The following SLC27A2 variants were observed in gnomAD, a reference collection of about 807,000 sequenced individuals.
SLC27A2 encodes the protein solute carrier family 27 member 2.
SLC27A2 carries 54 observed loss-of-function variants against 60.0 expected under a neutral mutation model. The observed-to-expected ratio is 0.90, with a 90% CI of 0.72 to 1.13. The LOEUF is 1.13. Ranked by LOEUF, SLC27A2 falls within the 50% of genes most tolerant of loss-of-function variation. The pLI is 0.00. For synonymous variants in SLC27A2, 297 were observed against 297.6 expected, an observed-to-expected ratio of 1.00 and a Z score of 0.02; for missense variants, 739 against 777.6, an observed-to-expected ratio of 0.95 and a Z score of 0.59.
rs750154642 is a variant in SLC27A2, at chr15:50,202,488, T to G, written c.690T>G (p.Gly230=). ...GCCTTCTCTTGTATATTTACAAAGG[T>G]CTTCCAAAAGCAGCCATGATCACTC... ...ALYIYTSGTT[G]LPKAAMITHQ... is the part of the protein sequence containing the mutation. The change falls in exon 3 of 10, where the codon GGT becomes GGG. Residue 230 remains glycine (G), a splice_region_variant and synonymous_variant. Coordinates refer to ENST00000267842, the MANE Select transcript of SLC27A2 (RefSeq NM_003645.4). 1.2e-6 allele frequency: 2 copies of G among 1,614,016 alleles called. No homozygotes were observed.
intron 3 of SLC27A2, 118 bp downstream of exon 3, chr15:50,202,763 T>A: frequency 3.0e-6 from 3 of 988,422 alleles, no homozygotes; most frequent in Non-Finnish European, 4.6e-6. Context: ...AATTTTGCAT[T>A]AACAATAAGG....
At chr15:50,200,006 T>G (rs2045052213) in intron 2 of SLC27A2, among the ~76,000 whole-genome samples, 1 of 152,262 alleles carries the variant, frequency 6.6e-6, no homozygotes. Context: ...TTCCTGCTCC[T>G]CAAAGGAAGT....
chr15:50,210,861 A>C (rs148790632), intron 4 of SLC27A2, among the ~76,000 whole-genome samples: 1 of 152,222 alleles, frequency 6.6e-6, no homozygotes, highest in Non-Finnish European at 1.5e-5. Context: ...GTGACTGCCA[A>C]CTTTCCCCCA....
chr15:50,228,883 C>G, intron 7 of SLC27A2, 62 bp from the exon 8 acceptor site: 1 of 1,142,250 alleles, frequency 8.8e-7, no homozygotes, highest in Non-Finnish European at 1.3e-6. Context: ...ACCAGCTCTC[C>G]GACATTGCAA....
chr15:50,189,701 G>A (rs530522517), intron 1 of SLC27A2, among the ~76,000 whole-genome samples: 5 of 152,280 alleles, frequency 3.3e-5, no homozygotes, highest in African/African-American at 9.6e-5. Context: ...TGAAAGAGAA[G>A]GATAGAGTTC....
In SLC27A2 at chr15:50,222,998, G is replaced by A. The variant is rs1348023167; in HGVS notation, c.1006G>A (p.Ala336Thr). 6 of 1,613,046 alleles carry A rather than the reference G, an allele frequency of 3.7e-6. No individual in the cohort carries two copies. Among genetic ancestry groups the A allele is most frequent in the Middle Eastern group, 3.3e-4 (2 of 6,054 alleles). The change falls in exon 5 of 10, where the codon GCA becomes ACA. Residue 336 changes from alanine to threonine, a missense_variant. Coordinates refer to ENST00000267842, the MANE Select transcript of SLC27A2 (RefSeq NM_003645.4). The stretch of plus-strand genomic sequence containing the variant: ...TGACCGTGATCATAAAGTGAGACTG[G>A]CACTGGGAAATGGCTTACGAGGAGA... The part of the protein sequence containing the change: ...PNDRDHKVRL[A>T]LGNGLRGDVW...
At chr15:50,233,054 G>T (rs2045326694) in intron 8 of SLC27A2, among the ~76,000 whole-genome samples, 1 of 152,074 alleles carries the variant, frequency 6.6e-6, no homozygotes, top group Middle Eastern at 3.2e-3. Flanking sequence ...GAAGGCAGTG[G>T]TAATTGTTGG....
chr15:50,220,582 G>C (rs1567435766), intron 4 of SLC27A2, among the ~76,000 whole-genome samples: 1 of 152,168 alleles, frequency 6.6e-6, no homozygotes, highest in Non-Finnish European at 1.5e-5. Flanking sequence ...CTGGGAGCAG[G>C]TGAGCACCCA....
intron 4 of SLC27A2, among the ~76,000 whole-genome samples, chr15:50,217,879 C>A (rs902346784): frequency 6.6e-6 from 1 of 151,810 alleles, no homozygotes; most frequent in Non-Finnish European, 1.5e-5. Context: ...CATGGTGAAA[C>A]CCCATCTCTA....
intron 8 of SLC27A2, among the ~76,000 whole-genome samples, chr15:50,232,955 G>A (rs1263837855): frequency 6.6e-6 from 1 of 152,210 alleles, no homozygotes; most frequent in African/African-American, 2.4e-5. Flanking sequence ...TTACAGCTGA[G>A]TAGTTTAGGG....
At chr15:50,215,961 T>A (rs1449617566) in intron 4 of SLC27A2, among the ~76,000 whole-genome samples, 1 of 152,122 alleles carries the variant, frequency 6.6e-6, no homozygotes, top group East Asian at 1.9e-4. Context: ...GATAAATAGC[T>A]AGGACCTAAT....
chr15:50,215,001 A>G (rs1369485875), intron 4 of SLC27A2, among the ~76,000 whole-genome samples: 1 of 152,158 alleles, frequency 6.6e-6, no homozygotes, highest in Non-Finnish European at 1.5e-5. Context: ...AGGGCATCCA[A>G]ATCAGTAAAG....
At chr15:50,226,247 G>T (rs958804130) in intron 6 of SLC27A2, 169 bp downstream of exon 6, 2 of 520,436 alleles carry the variant, frequency 3.8e-6, no homozygotes, top group Non-Finnish European at 7.0e-6. Flanking sequence ...CTAATTTACC[G>T]CTGCATGTAA....
chr15:50,197,990 G>A (rs2140900174), intron 2 of SLC27A2, among the ~76,000 whole-genome samples: 1 of 152,024 alleles, frequency 6.6e-6, no homozygotes, highest in East Asian at 1.9e-4. Context: ...GGCACTGAAT[G>A]GGTAGTTGGA....
At chr15:50,225,902 G>A (rs1409202571) in intron 5 of SLC27A2, 86 bp from the exon 6 acceptor site, 34 of 885,440 alleles carry the variant, frequency 3.8e-5, no homozygotes, top group Middle Eastern at 3.3e-4. Flanking sequence ...CAACCTGTAC[G>A]CCTAAGATAT....
chr15:50,205,735 G>A (rs185333704), intron 4 of SLC27A2, among the ~76,000 whole-genome samples: 19 of 152,088 alleles, frequency 1.2e-4, no homozygotes, highest in Admixed American at 3.9e-4. Context: ...TCTCCCCTAC[G>A]TCATTTTATT....
chr15:50,218,897 A>G (rs2045222019), intron 4 of SLC27A2, among the ~76,000 whole-genome samples: 1 of 152,226 alleles, frequency 6.6e-6, no homozygotes, highest in African/African-American at 2.4e-5. Context: ...AATGGAAAAC[A>G]GGAAATTCCA....
At chr15:50,225,961 T>A in intron 5 of SLC27A2, 27 bp from the exon 6 acceptor site, 1 of 1,391,472 alleles carries the variant, frequency 7.2e-7, no homozygotes, top group Non-Finnish European at 1.0e-6. Context: ...AAAAGATTTA[T>A]ACTCAAAATT....
At chr15:50,218,209 AATG>A (rs2045216966) in intron 4 of SLC27A2, among the ~76,000 whole-genome samples, 1 of 152,266 alleles carries the variant, frequency 6.6e-6, no homozygotes, top group African/African-American at 2.4e-5. Flanking sequence ...TGAAAACTAA[AATG>A]ATGTTTAAAA....
Sources: gnomAD v4.1 joint callset for allele counts (sites outside exome capture counted in the v4.1 genomes callset) on GRCh38, gnomAD v4.1.1 for gene constraint, MANE v1.5 for transcripts, NCBI Gene and HGNC (gene_info 2026-07-23, HGNC 2026-07-21) for gene names.